The following AP3B1 variants were observed in gnomAD, a reference collection of about 807,000 sequenced individuals.
The protein encoded by AP3B1 is AP-3 complex subunit beta-1.
A neutral mutation model predicts 132.5 loss-of-function variants in AP3B1; 61 were observed. The ratio of observed to expected loss-of-function variants is 0.46; its 90% CI spans 0.37 to 0.57. The LOEUF (loss-of-function observed/expected upper bound fraction) is 0.57. AP3B1 is among the 20% of genes least tolerant of loss of function. AP3B1 has a pLI of 0.00. For missense variants in AP3B1, 1,120 were observed against 1,289.4 expected (o/e 0.87, Z 2.01); for synonymous variants, 388 against 438.3 (o/e 0.89, Z 1.43).
chr5:78,160,709 G>A (rs1172938660), intron 13 of AP3B1, among the ~76,000 whole-genome samples: 2 of 152,040 alleles, frequency 1.3e-5, no homozygotes, highest in African/African-American at 2.4e-5. Context: ...TTCATTCACA[G>A]TATTTATTCC....
At chr5:78,069,819 C>A (rs1345819315) in intron 22 of AP3B1, among the ~76,000 whole-genome samples, 2 of 152,150 alleles carry the variant, frequency 1.3e-5, no homozygotes, top group African/African-American at 4.8e-5. Flanking sequence ...AAGAACAAAG[C>A]TGGCGGTATC....
chr5:78,063,278 T>C (rs1420353688), intron 22 of AP3B1, among the ~76,000 whole-genome samples: 1 of 152,206 alleles, frequency 6.6e-6, no homozygotes, highest in Non-Finnish European at 1.5e-5. Flanking sequence ...ATTTCCACAG[T>C]AATAGCAGTT....
intron 14 of AP3B1, among the ~76,000 whole-genome samples, chr5:78,152,659 T>C (rs900897816): frequency 6.6e-6 from 1 of 152,192 alleles, no homozygotes; most frequent in African/African-American, 2.4e-5. Flanking sequence ...GTTTTTCTTC[T>C]TTTTTGATGT....
rs563761882 is a variant in AP3B1 at position 78,015,397 on chromosome 5, T to C, written c.3131+13A>G. The stretch of plus-strand genomic sequence containing the variant: ...GTCATCTTCACCTCCACATCGTGTG[T>C]TAGTGAACCTACCTGTGTATATTAT... On this transcript the variant is annotated intron_variant, in intron 26 of 26. Transcript: ENST00000255194. 1 of 1,613,118 alleles carries C rather than the reference T, an allele frequency of 6.2e-7. No homozygotes were observed. Among genetic ancestry groups the C allele is most frequent in the Non-Finnish European group, 8.5e-7 (1 of 1,179,216 alleles).
intron 2 of AP3B1, among the ~76,000 whole-genome samples, chr5:78,250,227 A>G (rs988901469): frequency 1.1e-4 from 17 of 152,162 alleles, no homozygotes; most frequent in Admixed American, 2.0e-4. Flanking sequence ...ACAACATACC[A>G]AACAGCAGAA....
intron 22 of AP3B1, among the ~76,000 whole-genome samples, chr5:78,074,865 G>A (rs1406749614): frequency 1.3e-5 from 2 of 152,096 alleles, no homozygotes; most frequent in African/African-American, 2.4e-5. Flanking sequence ...CCTGGGAGGC[G>A]GAGGTTGCGG....
chr5:78,188,188 T>G (rs1561466106), intron 7 of AP3B1, among the ~76,000 whole-genome samples: 1 of 152,126 alleles, frequency 6.6e-6, no homozygotes, highest in Admixed American at 6.6e-5. Flanking sequence ...GACTTTATGA[T>G]GAAATTGCCA....
chr5:78,165,644 T>C lies in AP3B1; in HGVS notation c.1196A>G (p.Glu399Gly), dbSNP rs1743584394. ...TCGAAGAAGAGTTGATATGTTGGCT[T>C]CATTTGCCAAGTTTGTCAAAATTTC... ...KLEILTNLANEANISTLLREF... is the reference protein window; with the variant it reads ...KLEILTNLANGANISTLLREF... The change falls in exon 12 of 27, where the codon GAA (glutamate) becomes GGA (glycine). Residue 399 changes from glutamate (E) to glycine (G), a missense_variant. Glu to Gly is a moderately conservative substitution (Grantham distance 98, BLOSUM62 -2). Transcript: ENST00000255194. The C allele has an allele frequency of 1.2e-6, 2 of 1,609,414 alleles. No individual in the cohort carries two copies. The highest frequency in any genetic ancestry group is 2.2e-5 in the South Asian group (2 of 90,614).
chr5:78,007,107 A>T (rs981198109), intron 26 of AP3B1, among the ~76,000 whole-genome samples: 2 of 152,234 alleles, frequency 1.3e-5, no homozygotes, highest in African/African-American at 4.8e-5. Context: ...AAGATTTGTA[A>T]CAAACTGGCT....
At chr5:78,259,840 G>T (rs954290169) in intron 2 of AP3B1, among the ~76,000 whole-genome samples, 2 of 151,854 alleles carry the variant, frequency 1.3e-5, no homozygotes, top group Admixed American at 6.6e-5. Flanking sequence ...TGTGGTGGTG[G>T]GCGCCTGTAA....
intron 22 of AP3B1, chr5:78,087,771 A>C: frequency 2.7e-5 from 22 of 814,960 alleles, no homozygotes; most frequent in Non-Finnish European, 3.3e-5. Flanking sequence ...TTCTAATCTC[A>C]ACTGCTTTCT....
chr5:78,024,563 T>A (rs995562599), intron 24 of AP3B1, among the ~76,000 whole-genome samples: 1 of 127,056 alleles, frequency 7.9e-6, no homozygotes, highest in African/African-American at 3.1e-5. Context: ...CTAATTTAAT[T>A]TTTTTTTTTT....
intron 24 of AP3B1, among the ~76,000 whole-genome samples, chr5:78,028,368 G>C (rs1747428518): frequency 6.6e-6 from 1 of 151,486 alleles, no homozygotes; most frequent in African/African-American, 2.4e-5. Context: ...GCTGAGGCAG[G>C]CAAGAGAATC....
intron 7 of AP3B1, among the ~76,000 whole-genome samples, chr5:78,209,961 C>G (rs966755334): frequency 1.3e-5 from 2 of 152,034 alleles, no homozygotes; most frequent in South Asian, 4.2e-4. Flanking sequence ...GGAATCTTTA[C>G]GATAAATGCT....
intron 15 of AP3B1, among the ~76,000 whole-genome samples, chr5:78,133,050 A>C (rs968297850): frequency 6.6e-6 from 1 of 152,098 alleles, no homozygotes. Flanking sequence ...CACATATTTC[A>C]CCTATAACCA....
At chr5:78,250,470 C>A (rs1747583689) in intron 2 of AP3B1, among the ~76,000 whole-genome samples, 1 of 152,220 alleles carries the variant, frequency 6.6e-6, no homozygotes, top group Middle Eastern at 3.4e-3. Flanking sequence ...AATACGAATA[C>A]TACTCTCTTC....
At chr5:78,135,016 G>A (rs907844316) in intron 15 of AP3B1, among the ~76,000 whole-genome samples, 1 of 152,170 alleles carries the variant, frequency 6.6e-6, no homozygotes, top group Non-Finnish European at 1.5e-5. Context: ...ATCAAAGAAA[G>A]GATAGAGATG....
At chr5:78,197,554 A>C (rs576332773) in intron 7 of AP3B1, among the ~76,000 whole-genome samples, 126 of 152,302 alleles carry the variant, frequency 8.3e-4, no homozygotes, top group Non-Finnish European at 1.5e-3. Context: ...TCACAAAAAT[A>C]GTAATAAGTC....
At chr5:78,278,858 C>T (rs1056187750) in intron 1 of AP3B1, among the ~76,000 whole-genome samples, 5 of 151,924 alleles carry the variant, frequency 3.3e-5, no homozygotes, top group South Asian at 2.1e-4. Context: ...ACTGTGCATG[C>T]GAGGGATCTA....
Sources: allele counts gnomAD v4.1 joint callset (sites outside exome capture counted in the v4.1 genomes callset), GRCh38; gene constraint gnomAD v4.1.1; transcripts MANE v1.5; gene names NCBI Gene and HGNC (gene_info 2026-07-23, HGNC 2026-07-21).